The following CHFR variants were observed in gnomAD, a reference collection of about 807,000 sequenced individuals.
The protein encoded by CHFR is checkpoint with forkhead and ring finger domains.
A neutral mutation model predicts 87.6 loss-of-function variants in CHFR; 57 were observed. The ratio of observed to expected loss-of-function variants is 0.65; its 90% CI spans 0.53 to 0.81. The LOEUF is 0.81. Among genes scored for constraint, CHFR ranks in the 30% least tolerant of loss-of-function variants. The pLI is 0.00. For missense variants in CHFR, 797 were observed against 865.8 expected (o/e 0.92, Z 1.00); for synonymous variants, 381 against 359.2 (o/e 1.06, Z -0.69).
chr12:132,853,784 C>T, intron 10 of CHFR: 1 of 553,800 alleles, frequency 1.8e-6, no homozygotes, highest in Non-Finnish European at 3.0e-6. Context: ...CACTCTGCAT[C>T]CCCAGCTCAG....
Position 132,861,408 on chromosome 12 carries a change from C to A in CHFR, c.751+59G>T, listed in dbSNP as rs572690372. ...CCCACAGCACGGAGCATGGCAGCGG[C>A]CCCCGCATGCCCCAGGAGCACACGA... On this transcript the variant is annotated intron_variant, in intron 7 of 17. Coordinates refer to ENST00000450056, the MANE Select transcript of CHFR (RefSeq NM_001161346.2). The A allele has an allele frequency of 2.6e-6, 4 of 1,542,590 alleles. No homozygotes were observed. The African/African-American group carries it at 4.1e-5, about 16-fold the overall frequency.
chr12:132,877,689 A>G lies in CHFR; in HGVS notation c.134-35T>C, dbSNP rs757009365. ...AGAGGGTGGGTCAACACGGGATATG[A>G]TCGTGGTAACTGTGAACACTACTGC... On this transcript the variant is annotated intron_variant, in intron 2 of 17. Coordinates refer to ENST00000450056, the MANE Select transcript of CHFR (RefSeq NM_001161346.2). 35 of 1,445,636 alleles carry G rather than the reference A, an allele frequency of 2.4e-5. No homozygotes were observed. In the African/African-American group the frequency reaches 4.3e-4, roughly 18 times the overall value. The allele number at this position is 1,445,636 out of a possible 1,614,324, so 89.6% of individuals were successfully genotyped here.
intron 6 of CHFR, 41 bp from the exon 7 acceptor site, chr12:132,861,675 G>A: frequency 6.3e-7 from 1 of 1,589,702 alleles, no homozygotes; most frequent in Non-Finnish European, 8.6e-7. Context: ...GATCCATCCA[G>A]CTCAGGAGAG....
At position 132,861,550 on chromosome 12, in the gene CHFR, G is replaced by A; in HGVS notation, c.668C>T (p.Pro223Leu). Residue 223 changes from proline to leucine, a missense_variant, in exon 7 of 18, where the codon CCA becomes CTA. Pro to Leu is a moderately conservative substitution (Grantham distance 98). Transcript: ENST00000450056. The part of the protein sequence containing the change: ...DEVSSFASAL[P>L]DRKTASFSSL... ...CGAAAAGGACGCAGTCTTTCTGTCT[G>A]GGAGAGCTGAGGCAAAGCTGGAGAC... is the stretch of plus-strand genomic sequence containing the variant. 1 of 1,614,224 alleles carries A rather than the reference G, an allele frequency of 6.2e-7. No individual in the cohort carries two copies.
At chr12:132,877,223 G>A (rs1353026786) in intron 3 of CHFR, among the ~76,000 whole-genome samples, 4 of 152,166 alleles carry the variant, frequency 2.6e-5, no homozygotes, top group African/African-American at 9.7e-5. Context: ...ACTGCCTATA[G>A]CATTCAGTAC....
chr12:132,859,312 G>C (rs1296818559), intron 7 of CHFR, 85 bp from the exon 8 acceptor site: 2 of 1,325,776 alleles, frequency 1.5e-6, no homozygotes, highest in Admixed American at 4.0e-5. Context: ...ACAGGAGAAA[G>C]GGATGTGTTC....
chr12:132,856,778 A>T (rs1225146160), intron 9 of CHFR, 148 bp from the exon 10 acceptor site: 5 of 900,068 alleles, frequency 5.6e-6, no homozygotes, highest in African/African-American at 1.6e-5. Flanking sequence ...TGGTGGAGGG[A>T]CTGCCCTCAC....
intron 12 of CHFR, among the ~76,000 whole-genome samples, chr12:132,850,177 T>C (rs1446608227): frequency 1.3e-5 from 2 of 152,122 alleles, no homozygotes; most frequent in Non-Finnish European, 2.9e-5. Flanking sequence ...ATGGTCTTGA[T>C]CTTCTAACCT....
intron 6 of CHFR, chr12:132,867,971 A>G (rs1362942216): frequency 1.3e-5 from 2 of 149,500 alleles, no homozygotes; most frequent in Non-Finnish European, 3.0e-5. Flanking sequence ...AAAAAAAATA[A>G]TATGTATAGC....
chr12:132,870,721 T>C lies in CHFR; in HGVS notation c.403+3A>G. ...CCCACTTCTTTGCTACACTCTTACT[T>C]ACCAAAGGATTCTTGTGTCATGCCT... On this transcript the variant is annotated splice_donor_region_variant and intron_variant, in intron 5 of 17. Transcript: ENST00000450056. 1.9e-6 allele frequency: 3 copies of C among 1,601,088 alleles called. No individual in the cohort carries two copies. Among genetic ancestry groups the C allele is most frequent in the Non-Finnish European group, 2.6e-6 (3 of 1,168,350 alleles).
rs1025502443 is a variant in CHFR at position 132,839,063 on chromosome 12, C to A, written c.*2491G>T. 6.6e-6 allele frequency: 1 copy of A among 152,300 alleles called. No individual in the cohort carries two copies. Among genetic ancestry groups the A allele is most frequent in the Non-Finnish European group, 1.5e-5 (1 of 68,112 alleles). The allele number at this position is 152,300 out of a possible 1,614,324, so 9.4% of individuals were successfully genotyped here. The stretch of plus-strand genomic sequence containing the variant: ...GAAGCAGGAGTGAGTCCCTAGGACA[C>A]CTGGAGCCCAGAGGCTCTCTGAGCT... On this transcript the variant is annotated 3_prime_UTR_variant, in exon 18 of 18. Transcript: ENST00000450056.
At chr12:132,874,530 G>A (rs189477910) in intron 3 of CHFR, among the ~76,000 whole-genome samples, 100 of 146,648 alleles carry the variant, frequency 6.8e-4, no homozygotes, top group African/African-American at 2.4e-3. Context: ...AGCACCCAGC[G>A]CGGGGAAGCC....
At chr12:132,873,760 C>G (rs938113678) in intron 3 of CHFR, among the ~76,000 whole-genome samples, 1 of 152,190 alleles carries the variant, frequency 6.6e-6, no homozygotes, top group Middle Eastern at 3.2e-3. Context: ...GACTTGGGTG[C>G]ATGCAGGGGG....
At chr12:132,883,831 G>A (rs946110133) in intron 2 of CHFR, among the ~76,000 whole-genome samples, 3 of 152,112 alleles carry the variant, frequency 2.0e-5, no homozygotes, top group Non-Finnish European at 2.9e-5. Context: ...ATCAAGTTCT[G>A]TCTGGGCGAG....
At chr12:132,854,491 A>G (rs1951019158) in intron 10 of CHFR, 1 of 152,224 alleles carries the variant, frequency 6.6e-6, no homozygotes, top group African/African-American at 2.4e-5. Flanking sequence ...TGGGGACATT[A>G]CCGAGCTGTA....
intron 2 of CHFR, among the ~76,000 whole-genome samples, chr12:132,879,046 CCAGGCTGGAGTGCAGTG>C (rs1472982384): frequency 6.7e-6 from 1 of 148,736 alleles, no homozygotes; most frequent in East Asian, 2.0e-4. Flanking sequence ...GCACTGTCGC[CCAGGCTGGAGTGCAGTG>C]GCACCATCTC....
chr12:132,879,285 G>A (rs1419443810), intron 2 of CHFR, among the ~76,000 whole-genome samples: 2 of 150,194 alleles, frequency 1.3e-5, no homozygotes, highest in Admixed American at 6.6e-5. Context: ...TTGAGCCACC[G>A]CACCTGGCCT....
At position 132,877,685 on chromosome 12, in the gene CHFR, T is replaced by C. The variant is rs376072720; in HGVS notation, c.134-31A>G. On this transcript the variant is annotated intron_variant, in intron 2 of 17. Coordinates refer to ENST00000450056, the MANE Select transcript of CHFR (RefSeq NM_001161346.2). ...AAAGAGAGGGTGGGTCAACACGGGA[T>C]ATGATCGTGGTAACTGTGAACACTA... 1.4e-5 allele frequency: 20 copies of C among 1,470,720 alleles called. No homozygotes were observed. In the African/African-American group the frequency reaches 2.8e-4, roughly 20 times the overall value. The allele number at this position is 1,470,720 out of a possible 1,614,324, so 91.1% of individuals were successfully genotyped here. A position where few individuals can be genotyped will look rare whatever the true frequency, so the allele number is the denominator to read the frequency against.
chr12:132,858,898 AGCTCCACCC>A (rs1245654438), intron 8 of CHFR, among the ~76,000 whole-genome samples, 161 bp downstream of exon 8: 20 of 151,548 alleles, frequency 1.3e-4, no homozygotes, highest in African/African-American at 4.9e-4. Context: ...GGGCTGAGAA[AGCTCCACCC>A]ACTCCACCCA....
Sources: gnomAD v4.1 joint callset for allele counts (sites outside exome capture counted in the v4.1 genomes callset) on GRCh38, gnomAD v4.1.1 for gene constraint, MANE v1.5 for transcripts, NCBI Gene and HGNC (gene_info 2026-07-23, HGNC 2026-07-21) for gene names.